Variants in TBCK observed in about 807,000 individuals in gnomAD.
The protein encoded by TBCK is TBC domain-containing protein kinase-like protein.
A neutral mutation model predicts 113.4 loss-of-function variants in TBCK; 99 were observed. The observed-to-expected ratio is 0.87, with a 90% CI of 0.74 to 1.03. The LOEUF (loss-of-function observed/expected upper bound fraction) is 1.03. Ranked by LOEUF, TBCK falls within the 50% of genes least tolerant of loss-of-function variation. TBCK has a pLI of 0.00. For synonymous variants in TBCK, 369 were observed against 370.8 expected, an observed-to-expected ratio of 1.00 and a Z score of 0.05; for missense variants, 1,045 against 1,061.3, an observed-to-expected ratio of 0.98 and a Z score of 0.21.
At chr4:106,075,847 C>T (rs942786106) in intron 25 of TBCK, among the ~76,000 whole-genome samples, 1 of 152,260 alleles carries the variant, frequency 6.6e-6, no homozygotes. Context: ...TTAGCACATA[C>T]AGCATAAAAG....
intron 22 of TBCK, among the ~76,000 whole-genome samples, chr4:106,171,997 A>AT (rs1337563471): frequency 6.6e-6 from 1 of 151,924 alleles, no homozygotes; most frequent in African/African-American, 2.4e-5. Flanking sequence ...CACCCGGCTA[A>AT]TTTTTTGTAT....
intron 5 of TBCK, among the ~76,000 whole-genome samples, chr4:106,256,067 T>G (rs1309483293): frequency 6.6e-6 from 1 of 152,168 alleles, no homozygotes; most frequent in Non-Finnish European, 1.5e-5. Flanking sequence ...TGCTCAAGTC[T>G]GGCTGAGTCC....
At chr4:106,153,452 T>A (rs192801926) in intron 23 of TBCK, among the ~76,000 whole-genome samples, 1 of 152,250 alleles carries the variant, frequency 6.6e-6, no homozygotes, top group East Asian at 1.9e-4. Flanking sequence ...TTTTAAGATT[T>A]GCTTTGTCTT....
chr4:106,067,729 G>A (rs905088668), intron 25 of TBCK, among the ~76,000 whole-genome samples: 4 of 152,064 alleles, frequency 2.6e-5, no homozygotes, highest in Admixed American at 1.3e-4. Flanking sequence ...AGTTTTCCCA[G>A]CACCATTTGT....
At chr4:106,095,302 G>A (rs577566030) in intron 25 of TBCK, among the ~76,000 whole-genome samples, 180 bp downstream of exon 25, 2 of 152,262 alleles carry the variant, frequency 1.3e-5, no homozygotes, top group South Asian at 2.1e-4. Flanking sequence ...GCTGAACACT[G>A]AAGGAAAAAT....
At chr4:106,214,091 C>G (rs1324789546) in intron 19 of TBCK, among the ~76,000 whole-genome samples, 1 of 152,146 alleles carries the variant, frequency 6.6e-6, no homozygotes, top group Non-Finnish European at 1.5e-5. Flanking sequence ...CTGGGAGGCA[C>G]CCTCCAGCAG....
intron 25 of TBCK, among the ~76,000 whole-genome samples, chr4:106,089,991 T>A (rs1740021186): frequency 1.3e-5 from 2 of 152,116 alleles, no homozygotes; most frequent in African/African-American, 4.8e-5. Context: ...TTCCCAAAGC[T>A]CCACTAGCCG....
intron 23 of TBCK, among the ~76,000 whole-genome samples, chr4:106,159,577 G>A (rs1333113909): frequency 1.3e-5 from 2 of 151,986 alleles, no homozygotes; most frequent in East Asian, 3.9e-4. Context: ...AACCAGGGAG[G>A]TGAAAGACTT....
intron 22 of TBCK, among the ~76,000 whole-genome samples, chr4:106,175,196 A>G (rs1007008107): frequency 1.3e-5 from 2 of 151,050 alleles, no homozygotes; most frequent in African/African-American, 4.8e-5. Context: ...TGTTATGTTT[A>G]AAAGTTCTGT....
chr4:106,143,191 A>G (rs1044656206), intron 23 of TBCK, among the ~76,000 whole-genome samples: 1 of 152,092 alleles, frequency 6.6e-6, no homozygotes, highest in Non-Finnish European at 1.5e-5. Context: ...AAAAACCCCA[A>G]ATCTTCCTCA....
chr4:106,120,632 C>A (rs1466259538), intron 23 of TBCK, among the ~76,000 whole-genome samples: 2 of 152,232 alleles, frequency 1.3e-5, no homozygotes, highest in Non-Finnish European at 2.9e-5. Context: ...AACCAGCAGA[C>A]TGTCTCCTCA....
intron 24 of TBCK, among the ~76,000 whole-genome samples, chr4:106,106,707 C>A (rs1004152346): frequency 6.6e-6 from 1 of 152,100 alleles, no homozygotes; most frequent in Non-Finnish European, 1.5e-5. Context: ...CACAGACCGA[C>A]GTCACTGTAA....
At chr4:106,250,607 T>C in intron 6 of TBCK, 129 bp from the exon 7 acceptor site, 1 of 551,350 alleles carries the variant, frequency 1.8e-6, no homozygotes, top group Non-Finnish European at 3.2e-6. Context: ...TTTTAATGGA[T>C]TTTTAAAGTC....
intron 25 of TBCK, among the ~76,000 whole-genome samples, chr4:106,049,542 A>G (rs975726184): frequency 1.4e-4 from 22 of 152,172 alleles, no homozygotes; most frequent in African/African-American, 5.3e-4. Flanking sequence ...GCTGGGGTAG[A>G]TTTCCACAGT....
At chr4:106,148,252 C>T (rs556358751) in intron 23 of TBCK, among the ~76,000 whole-genome samples, 19 of 152,320 alleles carry the variant, frequency 1.2e-4, no homozygotes, top group East Asian at 5.8e-4. Flanking sequence ...TTGTGGAGTA[C>T]GTGATCTCTG....
chr4:106,094,753 G>C (rs1440278896), intron 25 of TBCK, among the ~76,000 whole-genome samples: 2 of 152,052 alleles, frequency 1.3e-5, no homozygotes, highest in Non-Finnish European at 2.9e-5. Context: ...CTTCCTTTTA[G>C]AAAAAAGCTG....
chr4:106,197,299 G>A (rs1243636242), intron 20 of TBCK, among the ~76,000 whole-genome samples: 4 of 151,324 alleles, frequency 2.6e-5, no homozygotes, highest in Non-Finnish European at 5.9e-5. Flanking sequence ...AGCTCCAGAA[G>A]TCTGCTGAAG....
At chr4:106,278,558 C>CCAAAA (rs1553987887) in intron 3 of TBCK, among the ~76,000 whole-genome samples, 1 of 22,136 alleles carries the variant, frequency 4.5e-5, no homozygotes, top group Admixed American at 6.3e-4. Flanking sequence ...AACTCTGTCT[C>CCAAAA]AAAAAAAAAA....
At position 106,130,023 on chromosome 4, in the gene TBCK, T is replaced by C. The variant is rs1389134877; in HGVS notation, c.2236-13645A>G. 2.0e-5 allele frequency among the ~76,000 whole-genome samples: 3 copies of C among 152,324 alleles called. No individual in the cohort carries two copies. The South Asian group carries it at 6.2e-4, about 32-fold the overall frequency. ...TTATCTATCTTCTGGTAACCACTTA[T>C]TCCCTTAACTAGGGGTGGTAACAGG... On this transcript the variant is annotated intron_variant, in intron 23 of 25. Coordinates refer to ENST00000394708, the MANE Select transcript of TBCK (RefSeq NM_001163435.3).
Sources: allele counts gnomAD v4.1 joint callset (sites outside exome capture counted in the v4.1 genomes callset), GRCh38; gene constraint gnomAD v4.1.1; transcripts MANE v1.5; gene names NCBI Gene and HGNC (gene_info 2026-07-23, HGNC 2026-07-21).